The following KIT variants were observed in gnomAD, a reference collection of about 807,000 sequenced individuals.
The protein encoded by KIT is mast/stem cell growth factor receptor Kit.
In KIT, 16 loss-of-function variants were observed where a neutral mutation model predicts 105.7. The ratio of observed to expected loss-of-function variants is 0.15; its 90% confidence interval spans 0.10 to 0.23. KIT has a LOEUF of 0.23. Among genes scored for constraint, KIT ranks in the 10% least tolerant of loss-of-function variants. KIT has a pLI of 1.00. For synonymous variants in KIT, 438 were observed against 441.1 expected, an observed-to-expected ratio of 0.99 and a Z score of 0.09; for missense variants, 858 against 1,213.8, an observed-to-expected ratio of 0.71 and a Z score of 4.36.
chr4:54,738,831 A>G lies in KIT; in HGVS notation c.*274A>G, dbSNP rs1363678128. On this transcript the variant is annotated 3_prime_UTR_variant, in exon 21 of 21. Coordinates refer to ENST00000288135, the MANE Select transcript of KIT (RefSeq NM_000222.3). The stretch of plus-strand genomic sequence containing the variant: ...TTTGGAAAAAGAGAGGGAGGTATGG[A>G]CTGGGGGCCAGAGTCCTTTCCAAGG... The G allele has an allele frequency of 5.0e-6, 3 of 601,888 alleles. No homozygotes were observed. The African/African-American group carries it at 5.6e-5, about 11-fold the overall frequency. 37.3% of individuals were successfully genotyped at this position (601,888 alleles called of 1,614,324 possible). A position where few individuals can be genotyped will look rare whatever the true frequency, so the allele number is the denominator to read the frequency against.
intron 1 of KIT, among the ~76,000 whole-genome samples, chr4:54,666,540 A>G (rs1717708924): frequency 1.3e-5 from 2 of 152,026 alleles, no homozygotes; most frequent in South Asian, 4.2e-4. Flanking sequence ...GGCCTCCCAA[A>G]GTGCTGGGAT....
In KIT at chr4:54,738,483, C is replaced by G. The variant is rs2109818755; in HGVS notation, c.2857C>G (p.His953Asp). 2 of 1,614,056 alleles carry G rather than the reference C, an allele frequency of 1.2e-6. No homozygotes were observed. Among genetic ancestry groups the G allele is most frequent in the Non-Finnish European group, 1.7e-6 (2 of 1,179,948 alleles). ...CAACCGACAGAAGCCCGTGGTAGAC[C>G]ATTCTGTGCGGATCAATTCTGTCGG... ...SPNRQKPVVD[H>D]SVRINSVGST... Residue 953 changes from histidine to aspartate, a missense_variant, in exon 21 of 21, where the codon CAT (histidine) becomes GAT (aspartate). Physicochemically the swap from His to Asp is moderately conservative, Grantham distance 81 (BLOSUM62 -1). Transcript: ENST00000288135.
rs1060504651 is a variant in KIT, at chr4:54,695,610, C to T, written c.166C>T (p.Leu56=). ...AGTCCGCGTGGGCGACGAGATTAGG[C>T]TGTTATGCACTGATCCGGGCTTTGT... ...LIVRVGDEIR[L]LCTDPGFVKW... is the part of the protein sequence containing the mutation. The change falls in exon 2 of 21, where the codon CTG becomes TTG. Residue 56 remains leucine, a synonymous_variant. Coordinates refer to ENST00000288135, the MANE Select transcript of KIT (RefSeq NM_000222.3). The T allele has an allele frequency of 3.1e-6, 5 of 1,614,200 alleles. No homozygotes were observed. Among genetic ancestry groups the T allele is most frequent in the Non-Finnish European group, 4.2e-6 (5 of 1,180,036 alleles).
chr4:54,712,864 T>C (rs144792689), intron 7 of KIT, among the ~76,000 whole-genome samples: 12 of 152,304 alleles, frequency 7.9e-5, no homozygotes, highest in African/African-American at 2.6e-4. Context: ...CCTCAAGCTC[T>C]TCAGAAAGTC....
intron 9 of KIT, among the ~76,000 whole-genome samples, chr4:54,726,880 G>C (rs1365509303): frequency 6.6e-6 from 1 of 151,308 alleles, no homozygotes; most frequent in Non-Finnish European, 1.5e-5. Flanking sequence ...CGTCCATAAA[G>C]GAAGCTTCTT....
intron 1 of KIT, among the ~76,000 whole-genome samples, chr4:54,684,519 C>T (rs1169034108): frequency 6.6e-6 from 1 of 152,148 alleles, no homozygotes; most frequent in African/African-American, 2.4e-5. Flanking sequence ...TGCCATCTTC[C>T]TCTGTGGATG....
chr4:54,737,063 A>G, intron 19 of KIT, 112 bp from the exon 20 acceptor site: 2 of 770,628 alleles, frequency 2.6e-6, no homozygotes, highest in Non-Finnish European at 4.7e-6. Flanking sequence ...ATGTCAGTCC[A>G]TATGTCCAGT....
Position 54,703,879 on chromosome 4 carries a change from C to A in KIT, c.912C>A (p.Thr304=). Residue 304 remains threonine (T), a synonymous_variant, in exon 5 of 21, where the codon ACC becomes ACA. Coordinates refer to ENST00000288135, the MANE Select transcript of KIT (RefSeq NM_000222.3). ...TTGGATCAGCAAATGTCACAACAAC[C>A]TTGGAAGTAGTAGGTAAATACCTCT... ...NTFGSANVTT[T]LEVVDKGFIN... The A allele has an allele frequency of 6.2e-7, 1 of 1,613,210 alleles. No homozygotes were observed. The highest frequency in any genetic ancestry group is 8.5e-7 in the Non-Finnish European group (1 of 1,179,214).
At chr4:54,688,608 GC>G (rs1719482357) in intron 1 of KIT, among the ~76,000 whole-genome samples, 1 of 152,182 alleles carries the variant, frequency 6.6e-6, no homozygotes, top group African/African-American at 2.4e-5. Context: ...GTTGACCTGG[GC>G]CAGCCACTGC....
chr4:54,738,527 C>T lies in KIT; in HGVS notation c.2901C>T (p.Ser967=), dbSNP rs1553893836. 1 of 1,614,114 alleles carries T rather than the reference C, an allele frequency of 6.2e-7. No individual in the cohort carries two copies. The highest frequency in any genetic ancestry group is 8.5e-7 in the Non-Finnish European group (1 of 1,180,020). The change falls in exon 21 of 21, where the codon TCC becomes TCT. Residue 967 remains serine (S), a synonymous_variant. Transcript: ENST00000288135. ...CTGTCGGCAGCACCGCTTCCTCCTC[C>T]CAGCCTCTGCTTGTGCACGACGATG... ...INSVGSTASS[S]QPLLVHDDV
intron 7 of KIT, among the ~76,000 whole-genome samples, chr4:54,710,491 G>A (rs188729263): frequency 1.3e-5 from 2 of 152,314 alleles, no homozygotes; most frequent in Admixed American, 1.3e-4. Context: ...ACAAAGGACT[G>A]GGGCCAATTC....
At position 54,738,666 on chromosome 4, in the gene KIT, C is replaced by G; in HGVS notation, c.*109C>G. 4 of 1,320,432 alleles carry G rather than the reference C, an allele frequency of 3.0e-6. No homozygotes were observed. Among genetic ancestry groups the G allele is most frequent in the Non-Finnish European group, 4.3e-6 (4 of 926,288 alleles). 81.8% of individuals were successfully genotyped at this position (1,320,432 alleles called of 1,614,324 possible). On this transcript the variant is annotated 3_prime_UTR_variant, in exon 21 of 21. Coordinates refer to ENST00000288135, the MANE Select transcript of KIT (RefSeq NM_000222.3). ...GCATCCAACTCCAGGATAGTGGGCA[C>G]CCCACTGCAATCCTGTCTTTCTGAG...
intron 2 of KIT, among the ~76,000 whole-genome samples, chr4:54,696,775 G>C (rs559831031): frequency 6.6e-6 from 1 of 152,206 alleles, no homozygotes; most frequent in South Asian, 2.1e-4. Context: ...GTGCCTCTCC[G>C]CTTTATCAGT....
At chr4:54,710,094 C>T (rs937861445) in intron 7 of KIT, among the ~76,000 whole-genome samples, 6 of 152,184 alleles carry the variant, frequency 3.9e-5, no homozygotes, top group Non-Finnish European at 2.9e-5. Context: ...TGGCCATGGG[C>T]ACCTGAGCAC....
rs559772300 is a variant in KIT at position 54,721,371 on chromosome 4, C to A, written c.1232-2213C>A. 1.1e-4 allele frequency among the ~76,000 whole-genome samples: 17 copies of A among 152,300 alleles called. No homozygotes were observed. The South Asian group carries it at 3.5e-3, about 32-fold the overall frequency. The stretch of plus-strand genomic sequence containing the variant: ...CACTCTCCTAAGGGTCTGCTGATTT[C>A]TTGTGTCGTGTCCTACTTTTCAGCC... On this transcript the variant is annotated intron_variant, in intron 7 of 20. Transcript: ENST00000288135.
intron 7 of KIT, 160 bp downstream of exon 7, chr4:54,709,699 C>CA: frequency 2.9e-6 from 2 of 685,550 alleles, no homozygotes; most frequent in Non-Finnish European, 2.6e-6. Context: ...TAGAGTGTGT[C>CA]AAAAAACCAG....
intron 8 of KIT, among the ~76,000 whole-genome samples, chr4:54,724,442 G>A (rs928940669): frequency 6.6e-6 from 1 of 152,184 alleles, no homozygotes; most frequent in Non-Finnish European, 1.5e-5. Context: ...TCGGATTGCT[G>A]TTTTCAGCTG....
intron 7 of KIT, among the ~76,000 whole-genome samples, chr4:54,712,506 C>T (rs1229582643): frequency 1.3e-5 from 2 of 152,128 alleles, no homozygotes; most frequent in Non-Finnish European, 2.9e-5. Context: ...TGTCTCTTTT[C>T]TTCTTTTTTC....
At chr4:54,707,440 C>T (rs1442015212) in intron 6 of KIT, among the ~76,000 whole-genome samples, 153 bp downstream of exon 6, 2 of 152,086 alleles carry the variant, frequency 1.3e-5, no homozygotes, top group African/African-American at 4.8e-5. Flanking sequence ...CCTAGTATTC[C>T]ATTTTGTTGT....
Sources: gnomAD v4.1 joint callset for allele counts (sites outside exome capture counted in the v4.1 genomes callset) on GRCh38, gnomAD v4.1.1 for gene constraint, MANE v1.5 for transcripts, NCBI Gene and HGNC (gene_info 2026-07-23, HGNC 2026-07-21) for gene names.